Variants in KLF12 observed in about 807,000 individuals in gnomAD.
KLF12 encodes the protein KLF transcription factor 12.
In KLF12, 9 loss-of-function variants were observed where a neutral mutation model predicts 37.8. The observed-to-expected ratio is 0.24, with a 90% CI of 0.14 to 0.42. KLF12 has a LOEUF of 0.42. KLF12 is among the 10% of genes least tolerant of loss of function. The probability of loss-of-function intolerance (pLI) is 1.00; values close to 1 mark genes in which losing one functional copy is unlikely to be tolerated. For synonymous variants in KLF12, 208 were observed against 202.1 expected (o/e 1.03, Z -0.25); for missense variants, 411 against 516.0 (o/e 0.80, Z 1.97).
At chr13:74,242,941 C>A in the KLF12 span, among the ~76,000 whole-genome samples, 6 of 152,138 alleles carry the variant, frequency 3.9e-5, no homozygotes, top group African/African-American at 1.4e-4. Flanking sequence ...GCAGTGAGAG[C>A]ACTTTTCTTT....
chr13:74,066,658 G>A (rs1051992737), intron 1 of KLF12, among the ~76,000 whole-genome samples: 1 of 152,042 alleles, frequency 6.6e-6, no homozygotes, highest in Non-Finnish European at 1.5e-5. Flanking sequence ...ATAAATTATA[G>A]TTTTAATTAA....
the KLF12 span, among the ~76,000 whole-genome samples, chr13:74,291,717 C>T: frequency 6.6e-6 from 1 of 152,038 alleles, no homozygotes; most frequent in Non-Finnish European, 1.5e-5. Flanking sequence ...ACCTCCCTGA[C>T]TGGATATACA....
intron 3 of KLF12, among the ~76,000 whole-genome samples, chr13:73,907,509 T>A (rs1888357911): frequency 1.3e-5 from 2 of 152,162 alleles, no homozygotes; most frequent in African/African-American, 4.8e-5. Flanking sequence ...TCTCCTCAGC[T>A]CTCAGTCTTC....
At chr13:73,697,088 AACACACACAC>A (rs10679066) in intron 7 of KLF12, among the ~76,000 whole-genome samples, 1 of 149,548 alleles carries the variant, frequency 6.7e-6, no homozygotes, top group African/African-American at 2.5e-5. Flanking sequence ...ATACAACTGC[AACACACACAC>A]ACACACACAC....
chr13:73,724,593 G>A (rs1387390623), intron 6 of KLF12, among the ~76,000 whole-genome samples: 1 of 150,730 alleles, frequency 6.6e-6, no homozygotes, highest in Non-Finnish European at 1.5e-5. Context: ...TCCCACCTGA[G>A]ACAGATAATA....
chr13:73,733,601 C>T (rs1043197674), intron 6 of KLF12, among the ~76,000 whole-genome samples: 1 of 152,128 alleles, frequency 6.6e-6, no homozygotes, highest in Non-Finnish European at 1.5e-5. Flanking sequence ...TAGGTTGTCT[C>T]TACCTTTTGG....
At chr13:74,072,002 C>T (rs969145449) in intron 1 of KLF12, among the ~76,000 whole-genome samples, 4 of 152,064 alleles carry the variant, frequency 2.6e-5, no homozygotes, top group Non-Finnish European at 2.9e-5. Context: ...GACAATCTAC[C>T]GCAGAAACTT....
At chr13:74,018,349 TAGAC>T (rs1415130653) in intron 1 of KLF12, among the ~76,000 whole-genome samples, 2 of 152,142 alleles carry the variant, frequency 1.3e-5, no homozygotes, top group African/African-American at 4.8e-5. Context: ...TATTTGCAGT[TAGAC>T]AGGAGAAATA....
chr13:73,913,194 T>A (rs1038268127), intron 3 of KLF12, among the ~76,000 whole-genome samples: 1 of 152,182 alleles, frequency 6.6e-6, no homozygotes. Context: ...TAGACTACTT[T>A]TGTTTTGCAT....
At chr13:74,210,722 G>C in the KLF12 span, among the ~76,000 whole-genome samples, 6 of 150,982 alleles carry the variant, frequency 4.0e-5, no homozygotes, top group African/African-American at 1.2e-4. Context: ...TTAAAATTAA[G>C]TCAGTACTTC....
intron 1 of KLF12, among the ~76,000 whole-genome samples, chr13:74,114,299 A>AT (rs1484810038): frequency 6.6e-6 from 1 of 152,176 alleles, no homozygotes; most frequent in Non-Finnish European, 1.5e-5. Context: ...GAATGTTAGC[A>AT]TTTTTTAGCA....
chr13:73,889,766 CA>C (rs1244262474), intron 3 of KLF12, among the ~76,000 whole-genome samples: 1 of 151,870 alleles, frequency 6.6e-6, no homozygotes, highest in African/African-American at 2.4e-5. Flanking sequence ...AAAAGTTGAA[CA>C]AGCACAAAAT....
At chr13:73,716,308 T>C (rs747350860) in intron 6 of KLF12, among the ~76,000 whole-genome samples, 14 of 152,358 alleles carry the variant, frequency 9.2e-5, no homozygotes, top group Non-Finnish European at 1.3e-4. Flanking sequence ...CTCTTTTGAT[T>C]GAGACAGAAA....
At chr13:73,766,815 T>C (rs1249643643) in intron 5 of KLF12, among the ~76,000 whole-genome samples, 1 of 152,188 alleles carries the variant, frequency 6.6e-6, no homozygotes, top group African/African-American at 2.4e-5. Flanking sequence ...TTATTGCATA[T>C]ATTAGTGAAG....
chr13:73,864,763 A>G (rs1886092422), intron 3 of KLF12, among the ~76,000 whole-genome samples: 1 of 152,122 alleles, frequency 6.6e-6, no homozygotes, highest in African/African-American at 2.4e-5. Flanking sequence ...AATTTTCATT[A>G]ATCACTGACA....
In KLF12 at chr13:73,855,780, C is replaced by T. The variant is rs74095859; in HGVS notation, c.124-9407G>A. On this transcript the variant is annotated intron_variant, in intron 3 of 7. Coordinates refer to ENST00000377669, the MANE Select transcript of KLF12 (RefSeq NM_007249.5). ...GTTACTTTTGTTTACTTAACAAAAG[C>T]CATTCTGACTGGTATGACATGGCAT... 1.1e-3 allele frequency among the ~76,000 whole-genome samples: 163 copies of T among 152,196 alleles called. 2 individuals are homozygous for T. Among genetic ancestry groups the T allele is most frequent in the African/African-American group, 3.4e-3 (142 of 41,556 alleles).
chr13:73,964,912 T>C (rs927606356), intron 2 of KLF12, among the ~76,000 whole-genome samples: 3 of 152,158 alleles, frequency 2.0e-5, no homozygotes, highest in African/African-American at 7.2e-5. Flanking sequence ...GCCTATGACA[T>C]TCCAAGGAAG....
the KLF12 span, among the ~76,000 whole-genome samples, chr13:74,243,282 A>C: frequency 7.0e-6 from 1 of 143,178 alleles, no homozygotes; most frequent in Non-Finnish European, 1.5e-5. Flanking sequence ...AAAGGACATG[A>C]ATTCATTTTT....
chr13:73,746,810 CTTTTTT>C (rs776746904), intron 6 of KLF12, among the ~76,000 whole-genome samples: 2 of 119,858 alleles, frequency 1.7e-5, no homozygotes, highest in South Asian at 5.6e-4. Context: ...TCCCTCCCTC[CTTTTTT>C]TTTTTTTTTT....
Sources: gnomAD v4.1 joint callset for allele counts (sites outside exome capture counted in the v4.1 genomes callset) on GRCh38, gnomAD v4.1.1 for gene constraint, MANE v1.5 for transcripts, NCBI Gene and HGNC (gene_info 2026-07-23, HGNC 2026-07-21) for gene names.